NCKAP5: variants seen among roughly 807,000 people sequenced by gnomAD.
NCKAP5 encodes the protein nck-associated protein 5.
A neutral mutation model predicts 167.0 loss-of-function variants in NCKAP5; 92 were observed. That is an observed-to-expected ratio of 0.55 (90% CI 0.47 to 0.66). The LOEUF (loss-of-function observed/expected upper bound fraction) is 0.66. Among genes scored for constraint, NCKAP5 ranks in the 30% least tolerant of loss-of-function variants. The probability of loss-of-function intolerance (pLI) is 0.00; values close to 1 mark genes in which losing one functional copy is unlikely to be tolerated. For missense variants in NCKAP5, 2,378 were observed against 2,315.0 expected (o/e 1.03, Z -0.56); for synonymous variants, 891 against 877.4 (o/e 1.02, Z -0.27).
chr2:133,250,620 C>A (rs1014028894), intron 4 of NCKAP5, among the ~76,000 whole-genome samples: 2 of 152,240 alleles, frequency 1.3e-5, no homozygotes, highest in Admixed American at 6.5e-5. Context: ...AAAACAGGTT[C>A]TCTCGCAATT....
intron 3 of NCKAP5, among the ~76,000 whole-genome samples, chr2:133,442,249 A>AG (rs1296642980): frequency 2.0e-5 from 3 of 152,186 alleles, no homozygotes; most frequent in Non-Finnish European, 4.4e-5. Flanking sequence ...ATAGAGTGGT[A>AG]GTAATTGGGC....
At chr2:133,608,934 A>AT in the NCKAP5 span, among the ~76,000 whole-genome samples, 2 of 152,176 alleles carry the variant, frequency 1.3e-5, no homozygotes, top group Non-Finnish European at 2.9e-5. Context: ...ATGGATTGGC[A>AT]TTTTTTGAAC....
At chr2:133,019,829 T>C (rs990299837) in intron 6 of NCKAP5, among the ~76,000 whole-genome samples, 15 of 152,242 alleles carry the variant, frequency 9.9e-5, no homozygotes, top group African/African-American at 3.6e-4. Flanking sequence ...GCAATAATTA[T>C]TGTTAAAAAC....
At chr2:133,590,926 TGAGAGAGAGA>T in the NCKAP5 span, among the ~76,000 whole-genome samples, 3 of 150,826 alleles carry the variant, frequency 2.0e-5, no homozygotes, top group Non-Finnish European at 4.4e-5. Context: ...CATGTGTGTG[TGAGAGAGAGA>T]GAGAGAGAGT....
At chr2:132,874,190 C>A (rs1016377772) in intron 9 of NCKAP5, among the ~76,000 whole-genome samples, 2 of 148,274 alleles carry the variant, frequency 1.3e-5, no homozygotes, top group Non-Finnish European at 3.0e-5. Flanking sequence ...CTCACTGCGA[C>A]CTTCACCTCC....
At chr2:133,186,079 A>G (rs2084933210) in intron 5 of NCKAP5, among the ~76,000 whole-genome samples, 1 of 152,052 alleles carries the variant, frequency 6.6e-6, no homozygotes, top group Non-Finnish European at 1.5e-5. Flanking sequence ...CTTGTTCAGT[A>G]TGATGTTGGC....
intron 3 of NCKAP5, among the ~76,000 whole-genome samples, chr2:133,412,976 G>GA (rs1256498349): frequency 6.6e-6 from 1 of 152,196 alleles, no homozygotes; most frequent in Non-Finnish European, 1.5e-5. Flanking sequence ...AGGGAGCTGA[G>GA]AAAAAATTTG....
intron 2 of NCKAP5, among the ~76,000 whole-genome samples, chr2:133,555,909 G>A (rs1220726240): frequency 6.6e-6 from 1 of 152,176 alleles, no homozygotes; most frequent in Non-Finnish European, 1.5e-5. Flanking sequence ...CTATATGGTG[G>A]CAGAGTCACA....
At chr2:133,031,202 A>AT (rs1450324683) in intron 6 of NCKAP5, among the ~76,000 whole-genome samples, 3 of 152,116 alleles carry the variant, frequency 2.0e-5, no homozygotes, top group African/African-American at 7.2e-5. Flanking sequence ...CACTGAAGAG[A>AT]TTTTTTTAAA....
At chr2:133,148,511 C>G (rs903999463) in intron 5 of NCKAP5, among the ~76,000 whole-genome samples, 1 of 152,140 alleles carries the variant, frequency 6.6e-6, no homozygotes, top group African/African-American at 2.4e-5. Context: ...ACCCAGGTCT[C>G]TCTTAAGCAG....
chr2:133,330,362 G>A (rs1488608271), intron 3 of NCKAP5, among the ~76,000 whole-genome samples: 1 of 140,752 alleles, frequency 7.1e-6, no homozygotes, highest in Admixed American at 7.7e-5. Context: ...TGGGTTTACA[G>A]ACATGATACA....
chr2:132,957,367 G>C (rs924065723), intron 8 of NCKAP5, among the ~76,000 whole-genome samples: 1 of 152,102 alleles, frequency 6.6e-6, no homozygotes, highest in African/African-American at 2.4e-5. Flanking sequence ...TATATTATCT[G>C]GCTATTTCTT....
chr2:133,363,160 T>A (rs1423211742), intron 3 of NCKAP5, among the ~76,000 whole-genome samples: 2 of 152,058 alleles, frequency 1.3e-5, no homozygotes, highest in Non-Finnish European at 2.9e-5. Context: ...TACAAGGTGG[T>A]TGTTCTCTGC....
At chr2:133,471,255 C>T (rs1235091010) in intron 3 of NCKAP5, among the ~76,000 whole-genome samples, 1 of 152,128 alleles carries the variant, frequency 6.6e-6, no homozygotes, top group Non-Finnish European at 1.5e-5. Flanking sequence ...TCATCTTGGC[C>T]TCAGCACGAA....
chr2:133,198,668 A>G (rs1189430608), intron 5 of NCKAP5, among the ~76,000 whole-genome samples: 1 of 152,134 alleles, frequency 6.6e-6, no homozygotes, highest in Admixed American at 6.6e-5. Flanking sequence ...TTTACATCAT[A>G]TTTGTGGATT....
intron 6 of NCKAP5, among the ~76,000 whole-genome samples, chr2:133,102,637 T>C (rs974931873): frequency 1.3e-5 from 2 of 152,130 alleles, no homozygotes; most frequent in African/African-American, 4.8e-5. Flanking sequence ...CTTTGCTACA[T>C]CTCCCTCCAC....
intron 16 of NCKAP5, among the ~76,000 whole-genome samples, chr2:132,757,538 A>C (rs1680654370): frequency 6.6e-6 from 1 of 152,054 alleles, no homozygotes; most frequent in Non-Finnish European, 1.5e-5. Flanking sequence ...TTTCCTACCT[A>C]CTTTTCTCAG....
At chr2:132,887,819 A>T (rs796933234) in intron 8 of NCKAP5, among the ~76,000 whole-genome samples, 15 of 152,212 alleles carry the variant, frequency 9.9e-5, no homozygotes, top group African/African-American at 3.4e-4. Context: ...ACTAATTTTT[A>T]AAAACATTTT....
chr2:132,831,119 C>T (rs766446673), intron 11 of NCKAP5, among the ~76,000 whole-genome samples: 5 of 152,152 alleles, frequency 3.3e-5, no homozygotes, highest in African/African-American at 7.2e-5. Flanking sequence ...TGTCAGTACA[C>T]GGAGATCAGT....
Sources: gnomAD v4.1 joint callset for allele counts (sites outside exome capture counted in the v4.1 genomes callset) on GRCh38, gnomAD v4.1.1 for gene constraint, MANE v1.5 for transcripts, NCBI Gene and HGNC (gene_info 2026-07-23, HGNC 2026-07-21) for gene names.